The following VPS13C variants were observed in gnomAD, a reference collection of about 807,000 sequenced individuals.
VPS13C encodes the protein intermembrane lipid transfer protein VPS13C.
Under a neutral mutation model 456.8 loss-of-function variants are expected in VPS13C, and 358 were observed. The ratio of observed to expected loss-of-function variants is 0.78; its 90% CI spans 0.72 to 0.86. The LOEUF is 0.86. VPS13C is among the 40% of genes least tolerant of loss of function. The probability of loss-of-function intolerance (pLI) is 0.00; values close to 1 mark genes in which losing one functional copy is unlikely to be tolerated. For missense variants in VPS13C, 4,818 were observed against 4,385.4 expected, an observed-to-expected ratio of 1.10 and a Z score of -2.79; for synonymous variants, 1,578 against 1,486.7, an observed-to-expected ratio of 1.06 and a Z score of -1.41.
chr15:62,004,548 C>A (rs1294420257), intron 15 of VPS13C, among the ~76,000 whole-genome samples: 1 of 147,642 alleles, frequency 6.8e-6, no homozygotes, highest in Non-Finnish European at 1.5e-5. Flanking sequence ...TTAGTTATTT[C>A]TTGCCTTCTG....
At chr15:61,900,957 A>G (rs997149339) in intron 66 of VPS13C, among the ~76,000 whole-genome samples, 9 of 152,134 alleles carry the variant, frequency 5.9e-5, no homozygotes, top group South Asian at 2.1e-4. Context: ...ATAACGCCGC[A>G]TTTCTACAAC....
chr15:61,881,571 T>C lies in VPS13C; in HGVS notation c.9768A>G (p.Leu3256=). ...ITRFNEYSKV[L]QFKYFMVLIQ... ...CAGGAATCTTCACTTACTTGAACTG[T>C]AAGACTTTACTGTACTCATTAAATC... Residue 3256 remains leucine (L), a synonymous_variant, in exon 71 of 85, where the codon TTA becomes TTG. Transcript: ENST00000644861. 1 of 1,607,624 alleles carries C rather than the reference T, an allele frequency of 6.2e-7. No individual in the cohort carries two copies. Among genetic ancestry groups the C allele is most frequent in the Non-Finnish European group, 8.5e-7 (1 of 1,177,742 alleles).
chr15:61,939,054 A>C (rs1037321441), intron 47 of VPS13C, among the ~76,000 whole-genome samples: 3 of 152,186 alleles, frequency 2.0e-5, no homozygotes, highest in Admixed American at 6.5e-5. Flanking sequence ...ATATAGTTCT[A>C]TTTTATTCAC....
At chr15:62,037,322 TATTATATACATTTA>T in intron 3 of VPS13C, among the ~76,000 whole-genome samples, 2 of 88,016 alleles carry the variant, frequency 2.3e-5, no homozygotes, top group African/African-American at 9.0e-5. Context: ...ATATATTATA[TATTATATACATTTA>T]TATATAATAT....
chr15:61,896,444 G>T (rs950243139), intron 66 of VPS13C, among the ~76,000 whole-genome samples: 1 of 152,198 alleles, frequency 6.6e-6, no homozygotes, highest in Non-Finnish European at 1.5e-5. Flanking sequence ...CTCGGGAAGC[G>T]CAAGGGGTCA....
intron 27 of VPS13C, among the ~76,000 whole-genome samples, chr15:61,969,791 C>A (rs559374096): frequency 6.6e-6 from 1 of 151,902 alleles, no homozygotes; most frequent in East Asian, 1.9e-4. Flanking sequence ...TTTAAAGTAT[C>A]CCCATTAAAG....
At chr15:61,905,017 G>C (rs2043114330) in intron 66 of VPS13C, among the ~76,000 whole-genome samples, 1 of 151,960 alleles carries the variant, frequency 6.6e-6, no homozygotes, top group African/African-American at 2.4e-5. Flanking sequence ...TTGGTTAATG[G>C]GTACAAAAAT....
chr15:62,024,440 C>T (rs1232514634), intron 6 of VPS13C, among the ~76,000 whole-genome samples: 3 of 152,006 alleles, frequency 2.0e-5, no homozygotes, highest in Non-Finnish European at 1.5e-5. Context: ...TCAACACTGC[C>T]TCACTGCATT....
rs2140174549 is a variant in VPS13C, at chr15:61,919,362, T to C, written c.7565A>G (p.His2522Arg). The C allele has an allele frequency of 6.2e-7, 1 of 1,605,410 alleles. No homozygotes were observed. The highest frequency in any genetic ancestry group is 2.3e-5 in the East Asian group (1 of 44,206). ...AATTTGTACCAAGACAGAGTCAGAATGACTGGCATTGGGATTCCGTACATT... is the reference window on the plus strand; with the variant it reads ...AATTTGTACCAAGACAGAGTCAGAACGACTGGCATTGGGATTCCGTACATT... ...LYNVRNPNASHSDSVLVQIDA... is the reference protein window; with the variant it reads ...LYNVRNPNASRSDSVLVQIDA... Residue 2522 changes from histidine to arginine, a missense_variant, in exon 58 of 85, where the codon CAT becomes CGT. By Grantham distance (29) the His-to-Arg change is conservative (BLOSUM62 0). Coordinates refer to ENST00000644861, the MANE Select transcript of VPS13C (RefSeq NM_020821.3).
In VPS13C at chr15:62,037,288, T is replaced by TAA. The variant is rs1567136744; in HGVS notation, c.188-2237_188-2236insTT. ...TATATTATATAATATATTATATATATTATATTATATAATATATATATAAAT... is the reference window on the plus strand; with the variant it reads ...TATATTATATAATATATTATATATATAATATATTATATAATATATATATAAAT... On this transcript the variant is annotated intron_variant, in intron 3 of 84. Coordinates refer to ENST00000644861, the MANE Select transcript of VPS13C (RefSeq NM_020821.3). Among the ~76,000 whole-genome samples the TAA allele has an allele frequency of 1.8e-3, 82 of 46,524 alleles. 1 individual carries two copies. Among genetic ancestry groups the TAA allele is most frequent in the African/African-American group, 6.7e-3 (75 of 11,260 alleles). The allele number at this position is 46,524 out of a possible 152,430, so 30.5% of individuals were successfully genotyped here. A position where few individuals can be genotyped will look rare whatever the true frequency, so the allele number is the denominator to read the frequency against.
chr15:61,900,320 A>G (rs2042957402), intron 66 of VPS13C, among the ~76,000 whole-genome samples: 1 of 152,184 alleles, frequency 6.6e-6, no homozygotes, highest in African/African-American at 2.4e-5. Flanking sequence ...AGGAAGTCAA[A>G]TTGTCCCTGT....
intron 22 of VPS13C, among the ~76,000 whole-genome samples, chr15:61,979,480 T>C (rs2140376834): frequency 6.6e-6 from 1 of 152,286 alleles, no homozygotes; most frequent in South Asian, 2.1e-4. Context: ...GGTGAAAGAA[T>C]GGTGAAATCA....
chr15:61,979,661 A>T (rs2045813972), intron 22 of VPS13C, among the ~76,000 whole-genome samples: 1 of 152,242 alleles, frequency 6.6e-6, no homozygotes, highest in Admixed American at 6.5e-5. Context: ...CTAATTGAAG[A>T]GGACCGATGA....
In VPS13C at chr15:61,884,207, A is replaced by G. The variant is rs573812678; in HGVS notation, c.9404T>C (p.Ile3135Thr). ...CTGATAGGATTGTTCCAATAAGATT[A>G]TCTGCTTTTGACTAAATGGCTTCCA... ...QKWKPFSQKQ[I>T]ILLEQSYQKH... The change falls in exon 68 of 85, where the codon ATA (isoleucine) becomes ACA (threonine). Residue 3135 changes from isoleucine to threonine, a missense_variant. Transcript: ENST00000644861. The G allele has an allele frequency of 3.1e-5, 50 of 1,611,132 alleles. 1 individual carries two copies. In the South Asian group the frequency reaches 5.3e-4, roughly 17 times the overall value.
chr15:62,022,153 T>C (rs947871274), intron 8 of VPS13C, among the ~76,000 whole-genome samples: 2 of 151,902 alleles, frequency 1.3e-5, no homozygotes, highest in Non-Finnish European at 2.9e-5. Flanking sequence ...TATACAGCAG[T>C]TCCCCCTTAT....
intron 79 of VPS13C, among the ~76,000 whole-genome samples, chr15:61,871,597 G>T (rs1596275081): frequency 1.3e-5 from 2 of 151,910 alleles, no homozygotes; most frequent in East Asian, 3.9e-4. Context: ...GGGATCCCTG[G>T]AATGGCCATA....
At chr15:62,002,753 C>T (rs1033362589) in intron 15 of VPS13C, among the ~76,000 whole-genome samples, 2 of 152,118 alleles carry the variant, frequency 1.3e-5, no homozygotes, top group African/African-American at 4.8e-5. Flanking sequence ...GACAGTTTTC[C>T]CAGCACCATT....
At position 61,897,533 on chromosome 15, in the gene VPS13C, G is replaced by A. The variant is rs143106735; in HGVS notation, c.9106-7133C>T. On this transcript the variant is annotated intron_variant, in intron 66 of 84. Transcript: ENST00000644861. ...GAAGATGAAATGAATGATATGAAGC[G>A]AGAAAGGAAGTTTAGAGAAAAAAGA... 3.0e-4 allele frequency among the ~76,000 whole-genome samples: 45 copies of A among 152,222 alleles called. 1 individual carries two copies. The highest frequency in any genetic ancestry group is 3.9e-4 in the East Asian group (2 of 5,186).
chr15:62,006,646 T>C (rs1394580227), intron 15 of VPS13C, among the ~76,000 whole-genome samples: 1 of 152,152 alleles, frequency 6.6e-6, no homozygotes, highest in Non-Finnish European at 1.5e-5. Flanking sequence ...GGTCAAATGG[T>C]ATTTCTAGTT....
Sources: gnomAD v4.1 joint callset for allele counts (sites outside exome capture counted in the v4.1 genomes callset) on GRCh38, gnomAD v4.1.1 for gene constraint, MANE v1.5 for transcripts, NCBI Gene and HGNC (gene_info 2026-07-23, HGNC 2026-07-21) for gene names.